CTNNA2: variants seen among roughly 807,000 people sequenced by gnomAD.
CTNNA2 encodes the protein catenin alpha-2.
A neutral mutation model predicts 101.0 loss-of-function variants in CTNNA2; 42 were observed. That is an observed-to-expected ratio of 0.42 (90% CI 0.32 to 0.54). The LOEUF is 0.54. Among genes scored for constraint, CTNNA2 ranks in the 20% least tolerant of loss-of-function variants. The pLI is 0.14. For missense variants in CTNNA2, 871 were observed against 1,223.1 expected (o/e 0.71, Z 4.29); for synonymous variants, 450 against 456.4 (o/e 0.99, Z 0.18).
chr2:79,440,721 G>A (rs1168225138), intron 4 of CTNNA2, among the ~76,000 whole-genome samples: 1 of 152,126 alleles, frequency 6.6e-6, no homozygotes, highest in Admixed American at 6.5e-5. Context: ...AGTCTGAAGA[G>A]TGAATGTGCT....
At chr2:79,456,292 T>C (rs1670819592) in intron 4 of CTNNA2, among the ~76,000 whole-genome samples, 1 of 151,940 alleles carries the variant, frequency 6.6e-6, no homozygotes. Context: ...CCTACAATGC[T>C]AAAAATGTTG....
chr2:79,618,569 A>G (rs771106032), intron 1 of CTNNA2, among the ~76,000 whole-genome samples: 15 of 152,066 alleles, frequency 9.9e-5, no homozygotes, highest in Non-Finnish European at 1.6e-4. Flanking sequence ...TTTTGAATTT[A>G]CATTCTGTAA....
chr2:79,714,064 G>A (rs189604830), intron 2 of CTNNA2, among the ~76,000 whole-genome samples: 19 of 152,118 alleles, frequency 1.2e-4, no homozygotes, highest in African/African-American at 3.4e-4. Flanking sequence ...CCTCCACCTG[G>A]TGCCTTTGTG....
chr2:79,394,299 C>T (rs976220359), intron 4 of CTNNA2, among the ~76,000 whole-genome samples: 3 of 152,180 alleles, frequency 2.0e-5, no homozygotes, highest in African/African-American at 7.2e-5. Context: ...GGAACTGCTC[C>T]TGGCAGCACA....
chr2:79,363,563 C>CA (rs56705192), intron 3 of CTNNA2, among the ~76,000 whole-genome samples: 57,985 of 145,712 alleles, frequency 0.4, 11,484 homozygotes, highest in East Asian at 0.58. Context: ...CTTCCCCCAG[C>CA]AAAAAAAAAA....
At chr2:79,973,803 G>A (rs1340888402) in intron 7 of CTNNA2, among the ~76,000 whole-genome samples, 8 of 152,162 alleles carry the variant, frequency 5.3e-5, no homozygotes, top group Non-Finnish European at 8.8e-5. Context: ...TACCAAGGGC[G>A]AAACCAGTGT....
chr2:79,918,112 A>G (rs1199461211), intron 7 of CTNNA2, among the ~76,000 whole-genome samples: 1 of 152,102 alleles, frequency 6.6e-6, no homozygotes, highest in African/African-American at 2.4e-5. Context: ...GTATTGAACA[A>G]TCAATACTTC....
At chr2:79,884,661 T>A (rs1373940034) in intron 6 of CTNNA2, among the ~76,000 whole-genome samples, 1 of 152,088 alleles carries the variant, frequency 6.6e-6, no homozygotes. Flanking sequence ...CAACTCTACA[T>A]AAGTTCCCCG....
chr2:79,692,598 A>C (rs1684378181), intron 2 of CTNNA2, among the ~76,000 whole-genome samples: 1 of 152,118 alleles, frequency 6.6e-6, no homozygotes, highest in African/African-American at 2.4e-5. Flanking sequence ...AGCACTGTTC[A>C]TAATAGCAAA....
At chr2:80,081,304 G>T (rs906322618) in intron 7 of CTNNA2, among the ~76,000 whole-genome samples, 8 of 151,610 alleles carry the variant, frequency 5.3e-5, no homozygotes, top group Non-Finnish European at 8.8e-5. Flanking sequence ...AGGAGGATTG[G>T]GGTATAAAAC....
intron 7 of CTNNA2, among the ~76,000 whole-genome samples, chr2:80,199,572 G>A (rs551219491): frequency 6.6e-6 from 1 of 152,306 alleles, no homozygotes; most frequent in East Asian, 1.9e-4. Flanking sequence ...CACATGGGAG[G>A]TGAGAGCCAG....
chr2:79,879,730 G>A (rs1392748725), intron 6 of CTNNA2, among the ~76,000 whole-genome samples: 1 of 152,028 alleles, frequency 6.6e-6, no homozygotes, highest in East Asian at 1.9e-4. Context: ...TGACATGATG[G>A]GGTTTTCTTG....
chr2:79,234,631 C>T (rs1258278985), intron 2 of CTNNA2, among the ~76,000 whole-genome samples: 1 of 152,142 alleles, frequency 6.6e-6, no homozygotes, highest in South Asian at 2.1e-4. Flanking sequence ...AATATGGTTT[C>T]CAAATTACTT....
chr2:79,440,158 G>A (rs1678761523), intron 4 of CTNNA2, among the ~76,000 whole-genome samples: 1 of 152,090 alleles, frequency 6.6e-6, no homozygotes, highest in Non-Finnish European at 1.5e-5. Context: ...CCTTACTTCA[G>A]AAGTGCCAGA....
chr2:80,581,199 A>G (rs1665780964), intron 13 of CTNNA2, among the ~76,000 whole-genome samples: 1 of 152,166 alleles, frequency 6.6e-6, no homozygotes, highest in South Asian at 2.1e-4. Flanking sequence ...TTATGAGCAC[A>G]TAGGGGCTCA....
chr2:80,205,091 G>A (rs1428604658), intron 7 of CTNNA2, among the ~76,000 whole-genome samples: 1 of 152,172 alleles, frequency 6.6e-6, no homozygotes, highest in Non-Finnish European at 1.5e-5. Flanking sequence ...AATTATGTGA[G>A]CTACAAGATG....
intron 1 of CTNNA2, among the ~76,000 whole-genome samples, chr2:79,515,295 C>T (rs1239750965): frequency 6.6e-6 from 1 of 152,100 alleles, no homozygotes; most frequent in African/African-American, 2.4e-5. Context: ...CCTAGAATAC[C>T]GTGAAACAAG....
intron 2 of CTNNA2, among the ~76,000 whole-genome samples, chr2:79,262,106 A>G (rs190840915): frequency 6.6e-6 from 1 of 152,294 alleles, no homozygotes; most frequent in Non-Finnish European, 1.5e-5. Context: ...AAGAGAAATC[A>G]CACTGCCATT....
At chr2:79,250,586 C>G (rs569544546) in intron 2 of CTNNA2, among the ~76,000 whole-genome samples, 55 of 152,156 alleles carry the variant, frequency 3.6e-4, no homozygotes, top group African/African-American at 9.9e-4. Context: ...TCTGGATTTG[C>G]GTAAGAATGG....
Sources: allele counts gnomAD v4.1 joint callset (sites outside exome capture counted in the v4.1 genomes callset), GRCh38; gene constraint gnomAD v4.1.1; transcripts MANE v1.5; gene names NCBI Gene and HGNC (gene_info 2026-07-23, HGNC 2026-07-21).